The following PHACTR3 variants were observed in gnomAD, a reference collection of about 807,000 sequenced individuals.
PHACTR3 encodes protein phosphatase 1, regulatory subunit 123.
PHACTR3 carries 16 observed loss-of-function variants against 66.8 expected under a neutral mutation model. The observed-to-expected ratio is 0.24, with a 90% CI of 0.16 to 0.36. The LOEUF (loss-of-function observed/expected upper bound fraction) is 0.36. Among genes scored for constraint, PHACTR3 ranks in the 10% least tolerant of loss-of-function variants. The pLI, the probability that PHACTR3 is intolerant of heterozygous loss-of-function variation, is 1.00. For missense variants in PHACTR3, 647 were observed against 719.9 expected (o/e 0.90, Z 1.16); for synonymous variants, 323 against 292.1 (o/e 1.11, Z -1.08).
At chr20:59,774,127 G>C (rs2040447673) in intron 6 of PHACTR3, 116 bp from the exon 7 acceptor site, 1 of 1,347,122 alleles carries the variant, frequency 7.4e-7, no homozygotes, top group African/African-American at 1.5e-5. Context: ...AAAACCAAGA[G>C]GTCACATGCA....
chr20:59,635,114 T>G (rs2034806183), intron 1 of PHACTR3, among the ~76,000 whole-genome samples: 1 of 66,162 alleles, frequency 1.5e-5, no homozygotes, highest in Non-Finnish European at 3.1e-5. Context: ...TTTCTTTCTT[T>G]CTTTCTTTCT....
chr20:59,840,268 C>G, intron 9 of PHACTR3, 101 bp from the exon 10 acceptor site: 1 of 1,487,454 alleles, frequency 6.7e-7, no homozygotes, highest in Non-Finnish European at 8.9e-7. Context: ...CTTCAGCTCC[C>G]AGAAATATGG....
At chr20:59,617,065 C>G (rs530416875) in intron 1 of PHACTR3, among the ~76,000 whole-genome samples, 2 of 152,272 alleles carry the variant, frequency 1.3e-5, no homozygotes, top group East Asian at 1.9e-4. Context: ...ATTTTTCCAG[C>G]CCTTTTCTAC....
intron 4 of PHACTR3, 83 bp downstream of exon 4, chr20:59,755,447 C>A (rs909984246): frequency 2.1e-6 from 3 of 1,407,506 alleles, no homozygotes; most frequent in African/African-American, 2.8e-5. Context: ...ATAGCTTAGG[C>A]AACAGCCCTC....
chr20:59,743,917 T>A (rs1326504688), intron 2 of PHACTR3, among the ~76,000 whole-genome samples: 2 of 152,112 alleles, frequency 1.3e-5, no homozygotes, highest in Non-Finnish European at 2.9e-5. Context: ...TCCACTCACC[T>A]CCTGCTGCCC....
intron 1 of PHACTR3, among the ~76,000 whole-genome samples, chr20:59,689,143 G>A (rs1231142895): frequency 6.6e-6 from 1 of 152,214 alleles, no homozygotes; most frequent in Non-Finnish European, 1.5e-5. Context: ...ATGATGCCGG[G>A]AGAGTTGCCA....
chr20:59,748,605 G>T (rs1199398696), intron 3 of PHACTR3, among the ~76,000 whole-genome samples: 1 of 152,262 alleles, frequency 6.6e-6, no homozygotes, highest in Admixed American at 6.5e-5. Context: ...GAGGTGTGAG[G>T]CCCAGGACTT....
At chr20:59,756,643 C>T (rs1247484511) in intron 4 of PHACTR3, among the ~76,000 whole-genome samples, 3 of 151,862 alleles carry the variant, frequency 2.0e-5, no homozygotes, top group Non-Finnish European at 2.9e-5. Context: ...TCTCTGTGTG[C>T]CCCAGGCATC....
rs1396859749 is a variant in PHACTR3, at chr20:59,830,249, A to G, written c.1329-6256A>G. 6.6e-6 allele frequency among the ~76,000 whole-genome samples: 1 copy of G among 151,732 alleles called. No homozygotes were observed. Among genetic ancestry groups the G allele is most frequent in the African/African-American group, 2.4e-5 (1 of 41,298 alleles). On this transcript the variant is annotated intron_variant, in intron 8 of 12. Transcript: ENST00000371015. This position sits in a 1 kb window ranked among gnomAD's most constrained non-coding sequence, Gnocchi z 5.8. ...TGAGTGTCTGATGGAAGAGGGTATG[A>G]GTGTCTGATAGAAGAGGGTATGAGT...
chr20:59,770,459 C>A (rs950009791), intron 5 of PHACTR3, among the ~76,000 whole-genome samples: 7 of 152,216 alleles, frequency 4.6e-5, no homozygotes, highest in African/African-American at 1.2e-4. Flanking sequence ...GCAGGAGGGA[C>A]CCTGGCCCAA....
In PHACTR3 at chr20:59,800,986, C is replaced by T. The variant is rs201764106; in HGVS notation, c.1175-5055C>T. Among the ~76,000 whole-genome samples, 10 of 152,268 alleles carry T rather than the reference C, an allele frequency of 6.6e-5. 1 individual carries two copies. The East Asian group carries it at 1.2e-3, about 18-fold the overall frequency. ...GTCTGGCTGATGGGAACCGGCCCTC[C>T]GTCTAGTGCCATGTGTGCACCGGGC... On this transcript the variant is annotated intron_variant, in intron 7 of 12. Transcript: ENST00000371015.
At chr20:59,810,607 A>G (rs2041707107) in intron 8 of PHACTR3, among the ~76,000 whole-genome samples, 1 of 152,044 alleles carries the variant, frequency 6.6e-6, no homozygotes, top group African/African-American at 2.4e-5. Context: ...CCCAAAGAAC[A>G]TTTGCGATTT....
intron 8 of PHACTR3, among the ~76,000 whole-genome samples, chr20:59,831,620 A>T (rs1303392319): frequency 6.6e-6 from 1 of 151,906 alleles, no homozygotes; most frequent in African/African-American, 2.4e-5. Flanking sequence ...CTACACCCCC[A>T]CCTACCCCGC....
intron 1 of PHACTR3, among the ~76,000 whole-genome samples, chr20:59,592,590 C>G (rs1277205049): frequency 1.3e-5 from 2 of 152,196 alleles, no homozygotes; most frequent in African/African-American, 2.4e-5. Context: ...ACACCTACCC[C>G]TCATTATAGT....
At chr20:59,815,604 T>C (rs2041866104) in intron 8 of PHACTR3, among the ~76,000 whole-genome samples, 1 of 152,070 alleles carries the variant, frequency 6.6e-6, no homozygotes, top group Admixed American at 6.6e-5. Flanking sequence ...TTTGTATTTT[T>C]AGTAGAAACA....
chr20:59,611,499 G>T (rs1041364874), intron 1 of PHACTR3, among the ~76,000 whole-genome samples: 8 of 152,246 alleles, frequency 5.3e-5, no homozygotes, highest in Admixed American at 4.6e-4. Context: ...GGCCAGGCAG[G>T]AGTCATGGGA....
intron 12 of PHACTR3, among the ~76,000 whole-genome samples, chr20:59,846,469 A>G (rs1156886712): frequency 1.3e-5 from 2 of 152,194 alleles, no homozygotes; most frequent in Admixed American, 1.3e-4. Context: ...TGTTTAGGAA[A>G]AACAGTTTCA....
Position 59,737,522 on chromosome 20 carries a change from GTGTA to G in PHACTR3, c.119-5581_119-5578del, listed in dbSNP as rs202099781. ...TGTGTCTGTGTGCGTGCATGTGTGCGTGTATGTGTGTGCGTGCATGTGCATGTGT... is the reference window on the plus strand; with the variant it reads ...TGTGTCTGTGTGCGTGCATGTGTGCGTGTGTGTGCGTGCATGTGCATGTGT... On this transcript the variant is annotated intron_variant, in intron 1 of 12. Transcript: ENST00000371015. 6.2e-4 allele frequency among the ~76,000 whole-genome samples: 78 copies of G among 126,042 alleles called. 1 individual carries two copies. In the South Asian group the frequency reaches 0.019, roughly 31 times the overall value. The allele number at this position is 126,042 out of a possible 152,430, so 82.7% of individuals were successfully genotyped here. A position where few individuals can be genotyped will look rare whatever the true frequency, so the allele number is the denominator to read the frequency against.
chr20:59,678,346 A>G (rs998454703), intron 1 of PHACTR3, among the ~76,000 whole-genome samples: 17 of 152,182 alleles, frequency 1.1e-4, no homozygotes, highest in African/African-American at 4.1e-4. Context: ...AGTATAAAAT[A>G]CCACTCTTCA....
Sources: allele counts gnomAD v4.1 joint callset (sites outside exome capture counted in the v4.1 genomes callset), GRCh38; gene constraint gnomAD v4.1.1; non-coding constraint Gnocchi (gnomAD v3.1); transcripts MANE v1.5; gene names NCBI Gene and HGNC (gene_info 2026-07-23, HGNC 2026-07-21).